Variants in FRMPD4 observed in about 807,000 individuals in gnomAD.
FRMPD4 encodes the protein FERM and PDZ domain-containing protein 4.
A neutral mutation model predicts 94.1 loss-of-function variants in FRMPD4; 22 were observed. That is an observed-to-expected ratio of 0.23 (90% CI 0.17 to 0.33). FRMPD4 has a LOEUF of 0.33. Ranked by LOEUF, FRMPD4 falls within the 10% of genes least tolerant of loss-of-function variation. FRMPD4 has a pLI of 1.00. For missense variants in FRMPD4, 1,111 were observed against 1,339.9 expected (o/e 0.83, Z 2.67); for synonymous variants, 631 against 548.6 (o/e 1.15, Z -2.10).
intron 3 of FRMPD4, among the ~76,000 whole-genome samples, chrX:12,044,481 C>G (rs1183673993): frequency 8.9e-6 from 1 of 112,054 alleles, no homozygotes; most frequent in Non-Finnish European, 1.9e-5. Context: ...TTCCAGTGAA[C>G]TGATAAGTGC....
chrX:12,037,706 T>C (rs1020292463), intron 3 of FRMPD4, among the ~76,000 whole-genome samples: 4 of 111,229 alleles, frequency 3.6e-5, no homozygotes, highest in Admixed American at 1.9e-4. Context: ...ACCTAATAGA[T>C]ACTTTACTGA....
intron 3 of FRMPD4, among the ~76,000 whole-genome samples, chrX:12,107,111 T>A (rs2407672): frequency 0.55 from 60,620 of 110,502 alleles, 13,634 homozygotes; most frequent in Non-Finnish European, 0.74. Context: ...CTCAAGTGGG[T>A]CCCTGACCCC....
chrX:12,138,488 A>C lies in FRMPD4; in HGVS notation c.-484A>C. 1 of 164,220 alleles carries C rather than the reference A, an allele frequency of 6.1e-6. No homozygotes were observed. 13.5% of individuals were successfully genotyped at this position (164,220 alleles called of 1,213,427 possible). A position where few individuals can be genotyped will look rare whatever the true frequency, so the allele number is the denominator to read the frequency against. The stretch of plus-strand genomic sequence containing the variant: ...GCAGGGAGGCAGCTGCAGTGCTGCG[A>C]GGGGTGCGTGCGCGTGTGCCCAGCT... On this transcript the variant is annotated 5_prime_UTR_variant, in exon 1 of 17. Coordinates refer to ENST00000675598, the MANE Select transcript of FRMPD4 (RefSeq NM_001368397.1).
At chrX:12,201,928 G>T (rs2056635238) in intron 1 of FRMPD4, among the ~76,000 whole-genome samples, 1 of 110,804 alleles carries the variant, frequency 9.0e-6, no homozygotes, top group Non-Finnish European at 1.9e-5. Flanking sequence ...TTCCAGAATT[G>T]TTTGCCTAGG....
In FRMPD4 at chrX:12,242,222, T is replaced by G. The variant is rs779890612; in HGVS notation, c.41+103210T>G. On this transcript the variant is annotated intron_variant, in intron 1 of 16. Transcript: ENST00000675598. ...GGGCCCACATGACTAACCAATCCACTGTTCTCCAAATGACTATGCATTTCT... is the reference window on the plus strand; with the variant it reads ...GGGCCCACATGACTAACCAATCCACGGTTCTCCAAATGACTATGCATTTCT... 5.4e-5 allele frequency among the ~76,000 whole-genome samples: 6 copies of G among 111,849 alleles called. No individual in the cohort carries two copies. In the East Asian group the frequency reaches 1.7e-3, roughly 31 times the overall value.
Position 11,852,152 on chromosome X carries a change from G to A in FRMPD4, c.-160-12934G>A, listed in dbSNP as rs777352290. On this transcript the variant is annotated intron_variant, in intron 1 of 18. Transcript: ENST00000640291. ...CAGCCCATTAGGCTAAAAAATGGAA[G>A]GTGGCTTTGGTGGGGATTGAGGTAT... is the stretch of plus-strand genomic sequence containing the variant. Among the ~76,000 whole-genome samples, 212 of 110,987 alleles carry A rather than the reference G, an allele frequency of 1.9e-3. 1 individual carries two copies. The highest frequency in any genetic ancestry group is 9.4e-3 in the Middle Eastern group (2 of 213).
chrX:12,541,818 G>A (rs2058417571), intron 2 of FRMPD4, among the ~76,000 whole-genome samples: 1 of 111,912 alleles, frequency 8.9e-6, no homozygotes, highest in Non-Finnish European at 1.9e-5. Context: ...TATCCCTGAT[G>A]AACATTGATG....
At chrX:11,843,085 T>C (rs915253391) in intron 1 of FRMPD4, among the ~76,000 whole-genome samples, 192 of 112,310 alleles carry the variant, frequency 1.7e-3, no homozygotes, top group Non-Finnish European at 2.9e-3. Flanking sequence ...TATTCTATTA[T>C]TATGGTGCAT....
chrX:11,978,852 CCTGT>C (rs2054381909), intron 3 of FRMPD4, among the ~76,000 whole-genome samples: 1 of 111,492 alleles, frequency 9.0e-6, no homozygotes, highest in Non-Finnish European at 1.9e-5. Flanking sequence ...TGGAATGCTC[CCTGT>C]CTTTTTCCCC....
chrX:12,634,344 T>C (rs771308892), intron 4 of FRMPD4, among the ~76,000 whole-genome samples: 26 of 112,259 alleles, frequency 2.3e-4, no homozygotes, highest in Non-Finnish European at 3.9e-4. Context: ...AAGAAGCATG[T>C]CAGAGCTGAA....
At chrX:12,515,354 T>C (rs1329628194) in intron 2 of FRMPD4, among the ~76,000 whole-genome samples, 1 of 111,697 alleles carries the variant, frequency 9.0e-6, no homozygotes, top group African/African-American at 3.3e-5. Flanking sequence ...CACTTAACAC[T>C]GCTTTATCTG....
chrX:12,273,856 C>G (rs894374433), intron 1 of FRMPD4, among the ~76,000 whole-genome samples: 1 of 112,097 alleles, frequency 8.9e-6, no homozygotes, highest in African/African-American at 3.2e-5. Context: ...GCCTTTTTGA[C>G]CGAAATGTTT....
At chrX:11,868,942 T>G (rs1371688805) in intron 2 of FRMPD4, among the ~76,000 whole-genome samples, 1 of 112,475 alleles carries the variant, frequency 8.9e-6, no homozygotes. Context: ...ATTTGCTATC[T>G]GGCCCTTTAC....
intron 3 of FRMPD4, among the ~76,000 whole-genome samples, chrX:11,924,809 A>T (rs1176983843): frequency 1.8e-5 from 2 of 112,170 alleles, no homozygotes; most frequent in African/African-American, 6.5e-5. Context: ...AACACACTGA[A>T]GTACACAGAC....
chrX:12,161,222 G>A (rs2056021096), intron 1 of FRMPD4, among the ~76,000 whole-genome samples: 1 of 109,604 alleles, frequency 9.1e-6, no homozygotes, highest in Admixed American at 9.7e-5. Flanking sequence ...GCAGTGGCAC[G>A]ATCTTAGCTC....
intron 2 of FRMPD4, among the ~76,000 whole-genome samples, chrX:12,574,882 T>C (rs1196517911): frequency 8.9e-6 from 1 of 112,110 alleles, no homozygotes; most frequent in Admixed American, 9.4e-5. Context: ...TTCAACCCAA[T>C]AAAATGCCAC....
chrX:12,500,750 T>C (rs940505244), intron 2 of FRMPD4, among the ~76,000 whole-genome samples: 3 of 111,606 alleles, frequency 2.7e-5, no homozygotes, highest in Non-Finnish European at 5.7e-5. Context: ...GAATTCATAA[T>C]TTCATACCGT....
chrX:12,158,899 G>T (rs2055978977), intron 1 of FRMPD4, among the ~76,000 whole-genome samples: 1 of 111,808 alleles, frequency 8.9e-6, no homozygotes, highest in African/African-American at 3.3e-5. Flanking sequence ...TCCCCTCACT[G>T]GTTTGTAAAT....
At chrX:12,069,805 G>C (rs1045091646) in intron 3 of FRMPD4, among the ~76,000 whole-genome samples, 7 of 111,520 alleles carry the variant, frequency 6.3e-5, no homozygotes, top group African/African-American at 2.3e-4. Flanking sequence ...GAGGAGCAGG[G>C]AGAGATTAGC....
Sources: allele counts gnomAD v4.1 joint callset (sites outside exome capture counted in the v4.1 genomes callset), GRCh38; gene constraint gnomAD v4.1.1; transcripts MANE v1.5; gene names NCBI Gene and HGNC (gene_info 2026-07-23, HGNC 2026-07-21).